CCNY: variants seen among roughly 807,000 people sequenced by gnomAD.
CCNY encodes the protein cyclin Y.
Under a neutral mutation model 42.8 loss-of-function variants are expected in CCNY, and 19 were observed. The ratio of observed to expected loss-of-function variants is 0.44; its 90% confidence interval spans 0.31 to 0.65. The LOEUF (loss-of-function observed/expected upper bound fraction) is 0.65. Among genes scored for constraint, CCNY ranks in the 30% least tolerant of loss-of-function variants. The probability of loss-of-function intolerance (pLI) is 0.07; values close to 1 mark genes in which losing one functional copy is unlikely to be tolerated. For missense variants in CCNY, 370 were observed against 437.3 expected (o/e 0.85, Z 1.37); for synonymous variants, 165 against 162.7 (o/e 1.01, Z -0.11).
chr10:35,552,015 C>T (rs1409274211), intron 7 of CCNY, among the ~76,000 whole-genome samples: 1 of 152,202 alleles, frequency 6.6e-6, no homozygotes, highest in Non-Finnish European at 1.5e-5. Flanking sequence ...AATTCCACCT[C>T]TGGGTATGTA....
chr10:35,391,151 G>A (rs1471885672), intron 1 of CCNY, among the ~76,000 whole-genome samples: 1 of 152,220 alleles, frequency 6.6e-6, no homozygotes, highest in Non-Finnish European at 1.5e-5. Context: ...GGTGCTCATT[G>A]CAGATGGAAC....
At chr10:35,411,995 CA>C (rs745422248) in intron 1 of CCNY, among the ~76,000 whole-genome samples, 24 of 152,134 alleles carry the variant, frequency 1.6e-4, no homozygotes, top group Non-Finnish European at 2.8e-4. Flanking sequence ...TGCTTGGTTC[CA>C]AGTGTCTTCC....
chr10:35,504,546 A>C (rs994667048), intron 3 of CCNY, among the ~76,000 whole-genome samples: 4 of 152,360 alleles, frequency 2.6e-5, no homozygotes, highest in Admixed American at 6.5e-5. Flanking sequence ...AGGTTCAATC[A>C]GGGTGAATTA....
chr10:35,280,242 G>A (rs547001416), intron 3 of CCNY, among the ~76,000 whole-genome samples: 4 of 152,186 alleles, frequency 2.6e-5, no homozygotes, highest in South Asian at 2.1e-4. Context: ...CAGGAGAATC[G>A]CTTGAACCTG....
chr10:35,291,638 G>T (rs1161977947), intron 3 of CCNY, among the ~76,000 whole-genome samples: 1 of 149,726 alleles, frequency 6.7e-6, no homozygotes, highest in Non-Finnish European at 1.5e-5. Context: ...CCTGGTTCAA[G>T]CTGTTCTCCT....
chr10:35,530,306 T>C lies in CCNY; in HGVS notation c.579+63T>C. On this transcript the variant is annotated intron_variant, in intron 7 of 9. Coordinates refer to ENST00000374704, the MANE Select transcript of CCNY (RefSeq NM_145012.6). This position sits in a 1 kb window ranked among gnomAD's most constrained non-coding sequence, Gnocchi z 4.3. ...GAGGTGGTCCAGGGCCCGTTCCTGT[T>C]ACTCAGCGGAGTGAGGTTGGAGCAG... 1 of 1,603,974 alleles carries C rather than the reference T, an allele frequency of 6.2e-7. No homozygotes were observed. Among genetic ancestry groups the C allele is most frequent in the Non-Finnish European group, 8.5e-7 (1 of 1,174,668 alleles).
intron 2 of CCNY, among the ~76,000 whole-genome samples, chr10:35,500,193 A>G (rs1840083031): frequency 1.3e-5 from 2 of 152,246 alleles, no homozygotes; most frequent in African/African-American, 4.8e-5. Flanking sequence ...TCGCCTGCAC[A>G]TGCGTCCATC....
At chr10:35,485,552 C>T (rs1002657956) in intron 2 of CCNY, among the ~76,000 whole-genome samples, 29 of 152,042 alleles carry the variant, frequency 1.9e-4, no homozygotes, top group Non-Finnish European at 3.7e-4. Context: ...GGTGAAACCC[C>T]GTCTCTACTA....
At chr10:35,558,324 C>T (rs925741632) in intron 8 of CCNY, among the ~76,000 whole-genome samples, 1 of 152,212 alleles carries the variant, frequency 6.6e-6, no homozygotes, top group African/African-American at 2.4e-5. Context: ...AACCTGCACA[C>T]ACAGATTTGT....
intron 3 of CCNY, among the ~76,000 whole-genome samples, chr10:35,273,293 C>T (rs1835195370): frequency 6.6e-6 from 1 of 152,030 alleles, no homozygotes; most frequent in Admixed American, 6.6e-5. Context: ...CCTCTGCCTC[C>T]AGGGTCCAAG....
At chr10:35,526,376 T>C (rs1589181601) in intron 5 of CCNY, among the ~76,000 whole-genome samples, 2 of 152,362 alleles carry the variant, frequency 1.3e-5, no homozygotes, top group South Asian at 4.1e-4. Flanking sequence ...TTGAATTCAG[T>C]AGAGGCAATT....
rs577661842 is a variant in CCNY, at chr10:35,408,162, T to C, written c.154+70955T>C. ...AAGAGGCTGCTTACCTGATCTAAAA[T>C]TGGGGAGATGTTCCTTGGGCTGGTT... On this transcript the variant is annotated intron_variant, in intron 1 of 9. Transcript: ENST00000374704. Among the ~76,000 whole-genome samples, 27 of 152,212 alleles carry C rather than the reference T, an allele frequency of 1.8e-4. No homozygotes were observed. The South Asian group carries it at 4.8e-3, about 27-fold the overall frequency.
chr10:35,568,218 C>T (rs139579993), intron 9 of CCNY, among the ~76,000 whole-genome samples: 92 of 152,346 alleles, frequency 6.0e-4, no homozygotes, highest in South Asian at 1.9e-3. Context: ...GCTGTTCCCT[C>T]AGGTTTCTCC....
At chr10:35,248,185 C>T (rs1366098217) in exon 2 of CCNY, 1 of 152,384 alleles carries the variant, frequency 6.6e-6, no homozygotes, top group African/African-American at 2.4e-5. Flanking sequence ...GACTAGAAGT[C>T]ATCGCCCCAG....
At chr10:35,436,953 C>T (rs905348970) in intron 1 of CCNY, among the ~76,000 whole-genome samples, 3 of 152,148 alleles carry the variant, frequency 2.0e-5, no homozygotes, top group African/African-American at 7.2e-5. Flanking sequence ...CTCACAGTTC[C>T]ACATGGCTGG....
At chr10:35,404,662 C>T (rs557070130) in intron 1 of CCNY, among the ~76,000 whole-genome samples, 102 of 151,980 alleles carry the variant, frequency 6.7e-4, no homozygotes, top group South Asian at 4.4e-3. Context: ...AGGGGGCTTC[C>T]GAGGCTATCT....
At chr10:35,459,373 A>G (rs1839107399) in intron 1 of CCNY, among the ~76,000 whole-genome samples, 1 of 152,214 alleles carries the variant, frequency 6.6e-6, no homozygotes, top group African/African-American at 2.4e-5. Context: ...AACTTTCTTG[A>G]AACATTATGA....
chr10:35,250,590 G>A (rs1328302312), exon 3 of CCNY: 1 of 152,308 alleles, frequency 6.6e-6, no homozygotes, highest in African/African-American at 2.4e-5. Flanking sequence ...AGGTAATTCT[G>A]TGCACGTTCA....
chr10:35,356,904 C>T (rs1836562648), intron 1 of CCNY, among the ~76,000 whole-genome samples: 1 of 152,148 alleles, frequency 6.6e-6, no homozygotes, highest in Non-Finnish European at 1.5e-5. Flanking sequence ...AATACATACT[C>T]CTCCCCGTGG....
Sources: gnomAD v4.1 joint callset for allele counts (sites outside exome capture counted in the v4.1 genomes callset) on GRCh38, gnomAD v4.1.1 for gene constraint, Gnocchi (gnomAD v3.1) non-coding constraint, MANE v1.5 for transcripts, NCBI Gene and HGNC (gene_info 2026-07-23, HGNC 2026-07-21) for gene names.